Variants in PRIM2 observed in about 807,000 individuals in gnomAD.
PRIM2 encodes DNA primase large subunit.
In PRIM2, 39 loss-of-function variants were observed where a neutral mutation model predicts 67.3. The ratio of observed to expected loss-of-function variants is 0.58; its 90% confidence interval spans 0.45 to 0.76. The LOEUF is 0.76. Ranked by LOEUF, PRIM2 falls within the 30% of genes least tolerant of loss-of-function variation. The pLI is 0.00. For missense variants in PRIM2, 398 were observed against 598.7 expected, an observed-to-expected ratio of 0.66 and a Z score of 3.50; for synonymous variants, 143 against 198.7, an observed-to-expected ratio of 0.72 and a Z score of 2.36.
At chr6:57,508,847 C>G (rs1381143854) in intron 8 of PRIM2, among the ~76,000 whole-genome samples, 3 of 152,144 alleles carry the variant, frequency 2.0e-5, no homozygotes, top group Non-Finnish European at 4.4e-5. Flanking sequence ...CTTTTACATA[C>G]TTTAAAGGAT....
At chr6:57,498,438 C>T (rs1774054557) in intron 7 of PRIM2, among the ~76,000 whole-genome samples, 1 of 152,068 alleles carries the variant, frequency 6.6e-6, no homozygotes, top group Middle Eastern at 3.2e-3. Context: ...TGTCATTTTA[C>T]ATAATAAATA....
intron 5 of PRIM2, among the ~76,000 whole-genome samples, chr6:57,366,185 G>C (rs1328642922): frequency 6.6e-6 from 1 of 152,118 alleles, no homozygotes; most frequent in Non-Finnish European, 1.5e-5. Context: ...TAGTTGCATA[G>C]AAATTTGCCA....
chr6:57,646,062 G>C lies in PRIM2; in HGVS notation c.1434G>C (p.Gln478His). 4.4e-6 allele frequency: 7 copies of C among 1,605,138 alleles called. No homozygotes were observed. The highest frequency in any genetic ancestry group is 6.0e-6 in the Non-Finnish European group (7 of 1,171,856). ...CTCCTCAACCCAAACCAAGTGTCCA[G>C]AAAACCAAGGATGCATCATCTGCTC... ...PETPQPKPSV[Q>H]KTKDASSALA... Residue 478 changes from glutamine to histidine, a missense_variant, in exon 14 of 14, where the codon CAG (glutamine) becomes CAC (histidine). Gln to His is a conservative substitution (Grantham distance 24, BLOSUM62 0). Transcript: ENST00000615550.
intron 10 of PRIM2, among the ~76,000 whole-genome samples, 195 bp from the exon 11 acceptor site, chr6:57,600,897 CT>C (rs1481308802): frequency 4.5e-4 from 68 of 151,918 alleles, no homozygotes; most frequent in African/African-American, 1.6e-3. Context: ...AGTTTTGTAC[CT>C]TTTTTTAAAA....
At chr6:57,379,580 T>C (rs1251583843) in intron 5 of PRIM2, among the ~76,000 whole-genome samples, 1 of 152,222 alleles carries the variant, frequency 6.6e-6, no homozygotes, top group East Asian at 1.9e-4. Context: ...ATTTTTAGTC[T>C]ATATTAACCT....
chr6:57,278,670 T>A, the PRIM2 span, among the ~76,000 whole-genome samples: 1 of 152,316 alleles, frequency 6.6e-6, no homozygotes, highest in Admixed American at 6.5e-5. Flanking sequence ...TGTGTTTTTT[T>A]TTTCTTCTTC....
chr6:57,498,470 G>T (rs1774055676), intron 7 of PRIM2, among the ~76,000 whole-genome samples: 1 of 152,058 alleles, frequency 6.6e-6, no homozygotes, highest in South Asian at 2.1e-4. Flanking sequence ...TTTGTCATTT[G>T]TAAGTAATAA....
chr6:57,289,680 C>G, the PRIM2 span, among the ~76,000 whole-genome samples: 1 of 152,104 alleles, frequency 6.6e-6, no homozygotes, highest in African/African-American at 2.4e-5. Flanking sequence ...AATTTTCAAC[C>G]CAGAATTTCA....
intron 7 of PRIM2, among the ~76,000 whole-genome samples, chr6:57,473,680 C>T (rs1443165857): frequency 1.3e-5 from 2 of 152,066 alleles, no homozygotes; most frequent in African/African-American, 2.4e-5. Context: ...CGAACAAAAC[C>T]GGGTTGCATT....
intron 7 of PRIM2, among the ~76,000 whole-genome samples, chr6:57,384,099 TG>T (rs1770054438): frequency 6.6e-6 from 1 of 152,230 alleles, no homozygotes; most frequent in South Asian, 2.1e-4. Flanking sequence ...CTTATGTGTA[TG>T]CCTTATCCTC....
chr6:57,356,120 G>A (rs954660983), intron 5 of PRIM2, among the ~76,000 whole-genome samples: 4 of 152,142 alleles, frequency 2.6e-5, no homozygotes, highest in East Asian at 1.9e-4. Context: ...CTGTCTAAGC[G>A]GGGATACACC....
the PRIM2 span, among the ~76,000 whole-genome samples, chr6:57,280,729 G>C: frequency 0.086 from 13,004 of 151,920 alleles, 590 homozygotes; most frequent in Non-Finnish European, 0.1. Flanking sequence ...GGCTGGTCTC[G>C]AACTCCTGAC....
At chr6:57,305,774 G>A in the PRIM2 span, among the ~76,000 whole-genome samples, 1 of 152,174 alleles carries the variant, frequency 6.6e-6, no homozygotes, top group African/African-American at 2.4e-5. Context: ...AATAGGGAAA[G>A]AACAATCAGG....
At chr6:57,467,556 G>C (rs1426723478) in intron 7 of PRIM2, among the ~76,000 whole-genome samples, 2 of 152,142 alleles carry the variant, frequency 1.3e-5, no homozygotes, top group Non-Finnish European at 2.9e-5. Flanking sequence ...AAGTCAGGTA[G>C]CATGTTGCCT....
chr6:57,372,395 T>G (rs1311019407), intron 5 of PRIM2, among the ~76,000 whole-genome samples: 1 of 152,330 alleles, frequency 6.6e-6, no homozygotes, highest in Admixed American at 6.5e-5. Context: ...AATATCCAGC[T>G]TATAGGGTTA....
intron 13 of PRIM2, among the ~76,000 whole-genome samples, chr6:57,639,714 A>G (rs1401858464): frequency 3.3e-4 from 49 of 150,182 alleles, no homozygotes; most frequent in African/African-American, 1.2e-3. Context: ...TAGACTAATA[A>G]CAGGTTCTGA....
chr6:57,438,098 A>G (rs1402340760), intron 7 of PRIM2, among the ~76,000 whole-genome samples: 1 of 150,712 alleles, frequency 6.6e-6, no homozygotes, highest in Non-Finnish European at 1.5e-5. Context: ...ACTTTGAAAC[A>G]TTTTCTGTGT....
At chr6:57,529,203 G>A (rs1295676065) in intron 8 of PRIM2, among the ~76,000 whole-genome samples, 1 of 152,066 alleles carries the variant, frequency 6.6e-6, no homozygotes, top group Non-Finnish European at 1.5e-5. Context: ...CCAGCTACTT[G>A]GGAGGCTGAG....
In PRIM2 at chr6:57,388,529, A is replaced by G. The variant is rs556176865; in HGVS notation, c.693+6361A>G. On this transcript the variant is annotated intron_variant, in intron 7 of 13. Coordinates refer to ENST00000615550, the MANE Select transcript of PRIM2 (RefSeq NM_000947.5). Reference sequence around the variant, plus strand: ...CCAAGTGCTATTCTAAATGCTTTATATGAATTAATGCATTTAGTCTTTATG... The same window carrying G: ...CCAAGTGCTATTCTAAATGCTTTATGTGAATTAATGCATTTAGTCTTTATG... Among the ~76,000 whole-genome samples the G allele has an allele frequency of 1.4e-3, 209 of 152,318 alleles. 1 individual carries two copies. Among genetic ancestry groups the G allele is most frequent in the African/African-American group, 4.7e-3 (196 of 41,580 alleles).
Sources: allele counts gnomAD v4.1 joint callset (sites outside exome capture counted in the v4.1 genomes callset), GRCh38; gene constraint gnomAD v4.1.1; transcripts MANE v1.5; gene names NCBI Gene and HGNC (gene_info 2026-07-23, HGNC 2026-07-21).